The following NKAIN3 variants were observed in gnomAD, a reference collection of about 807,000 sequenced individuals.
NKAIN3 encodes the protein sodium/potassium-transporting ATPase subunit beta-1-interacting protein 3.
In NKAIN3, 25 loss-of-function variants were observed where a neutral mutation model predicts 30.2. The ratio of observed to expected loss-of-function variants is 0.83; its 90% CI spans 0.60 to 1.16. The LOEUF is 1.16. Ranked by LOEUF, NKAIN3 falls within the 50% of genes most tolerant of loss-of-function variation. The pLI, the probability that NKAIN3 is intolerant of heterozygous loss-of-function variation, is 0.00. For synonymous variants in NKAIN3, 91 were observed against 89.6 expected, an observed-to-expected ratio of 1.02 and a Z score of -0.09; for missense variants, 225 against 254.1, an observed-to-expected ratio of 0.89 and a Z score of 0.78.
intron 4 of NKAIN3, among the ~76,000 whole-genome samples, chr8:62,804,141 A>G: frequency 6.6e-6 from 1 of 152,222 alleles, no homozygotes; most frequent in Non-Finnish European, 1.5e-5. Context: ...AACCAAAAAG[A>G]GTCCAGGACC....
intron 1 of NKAIN3, among the ~76,000 whole-genome samples, chr8:62,305,710 G>C (rs961964302): frequency 6.6e-6 from 1 of 150,492 alleles, no homozygotes; most frequent in Non-Finnish European, 1.5e-5. Flanking sequence ...AAGCACTAAA[G>C]TGTGATGATG....
intron 6 of NKAIN3, among the ~76,000 whole-genome samples, chr8:62,960,563 G>A (rs1226606294): frequency 2.0e-5 from 3 of 151,408 alleles, no homozygotes; most frequent in African/African-American, 7.3e-5. Flanking sequence ...GTTTCCAAGA[G>A]AAAGTATCCT....
At chr8:62,571,627 C>T (rs905950505) in intron 1 of NKAIN3, among the ~76,000 whole-genome samples, 38 of 152,196 alleles carry the variant, frequency 2.5e-4, no homozygotes, top group Admixed American at 7.2e-4. Context: ...ATGAGGGCCC[C>T]GCCACTGCAG....
At chr8:62,560,056 T>G (rs2129973220) in intron 1 of NKAIN3, among the ~76,000 whole-genome samples, 1 of 152,192 alleles carries the variant, frequency 6.6e-6, no homozygotes, top group Non-Finnish European at 1.5e-5. Context: ...TGGTAAACAG[T>G]TTTATGTTTT....
intron 4 of NKAIN3, among the ~76,000 whole-genome samples, chr8:62,857,678 T>C (rs1402630882): frequency 6.6e-6 from 1 of 152,238 alleles, no homozygotes; most frequent in Non-Finnish European, 1.5e-5. Context: ...GTTCTTATAC[T>C]GTGTTTTTCA....
At chr8:62,859,451 A>G (rs1171296554) in intron 4 of NKAIN3, among the ~76,000 whole-genome samples, 5 of 143,246 alleles carry the variant, frequency 3.5e-5, no homozygotes. Context: ...CTCCTGCACC[A>G]GCCATCCTAT....
At chr8:62,747,623 A>G (rs941469476) in intron 4 of NKAIN3, among the ~76,000 whole-genome samples, 1 of 152,234 alleles carries the variant, frequency 6.6e-6, no homozygotes, top group African/African-American at 2.4e-5. Context: ...ATACAATTCC[A>G]TATACAGAAA....
chr8:62,927,497 G>T (rs1369902360), intron 5 of NKAIN3, among the ~76,000 whole-genome samples: 1 of 152,072 alleles, frequency 6.6e-6, no homozygotes, highest in South Asian at 2.1e-4. Context: ...TGTTTCTACC[G>T]TAAAGAAAAG....
chr8:62,584,269 C>T (rs1309665839), intron 2 of NKAIN3, among the ~76,000 whole-genome samples: 2 of 152,168 alleles, frequency 1.3e-5, no homozygotes, highest in African/African-American at 4.8e-5. Context: ...AAATAACAAA[C>T]ACTTTGGAGC....
intron 1 of NKAIN3, among the ~76,000 whole-genome samples, chr8:62,424,539 A>G (rs562004982): frequency 3.3e-5 from 5 of 152,080 alleles, no homozygotes; most frequent in African/African-American, 1.2e-4. Context: ...TGTCAGGGAC[A>G]CGAAAAAATG....
At chr8:62,420,017 ATG>A (rs970367128) in intron 1 of NKAIN3, among the ~76,000 whole-genome samples, 3 of 152,126 alleles carry the variant, frequency 2.0e-5, no homozygotes, top group African/African-American at 7.2e-5. Flanking sequence ...GCCCACAACC[ATG>A]TCACCTGAGA....
intron 1 of NKAIN3, among the ~76,000 whole-genome samples, chr8:62,288,196 C>T (rs974398832): frequency 2.6e-5 from 4 of 152,026 alleles, no homozygotes; most frequent in Admixed American, 2.0e-4. Context: ...TTCGTGAGAA[C>T]AGTGTTTTCA....
chr8:62,851,586 T>G (rs1819899727), intron 4 of NKAIN3, among the ~76,000 whole-genome samples: 1 of 152,186 alleles, frequency 6.6e-6, no homozygotes, highest in African/African-American at 2.4e-5. Context: ...TGATATTGGC[T>G]GTGGGTTTGT....
At chr8:62,341,468 C>A (rs1197974159) in intron 1 of NKAIN3, among the ~76,000 whole-genome samples, 1 of 151,974 alleles carries the variant, frequency 6.6e-6, no homozygotes. Flanking sequence ...ATTTTACTGA[C>A]TGAGAGGCAA....
At position 62,798,574 on chromosome 8, in the gene NKAIN3, CCA is replaced by C. The variant is rs1491400146; in HGVS notation, c.471+51446_471+51447del. On this transcript the variant is annotated intron_variant, in intron 4 of 6. Transcript: ENST00000623646. ...GTGACAGAGTGAGACTCCGTCCCCCCCAAAAAAAAAACAACAAAAGAAAGTAA... is the reference window on the plus strand; with the variant it reads ...GTGACAGAGTGAGACTCCGTCCCCCCAAAAAAAAACAACAAAAGAAAGTAA... Among the ~76,000 whole-genome samples the C allele has an allele frequency of 3.3e-5, 5 of 150,646 alleles. No individual in the cohort carries two copies. The South Asian group carries it at 6.4e-4, about 19-fold the overall frequency.
intron 4 of NKAIN3, among the ~76,000 whole-genome samples, chr8:62,880,199 G>A (rs1284821988): frequency 6.6e-6 from 1 of 152,094 alleles, no homozygotes. Flanking sequence ...GCAGAGAGAG[G>A]GAAAAACTTG....
intron 4 of NKAIN3, among the ~76,000 whole-genome samples, chr8:62,840,412 C>A (rs574516253): frequency 7.5e-5 from 8 of 106,356 alleles, no homozygotes; most frequent in African/African-American, 2.6e-4. Flanking sequence ...TTTATTTAAA[C>A]CTGGAGGGTC....
At chr8:62,270,374 G>A (rs916875054) in intron 1 of NKAIN3, among the ~76,000 whole-genome samples, 1 of 152,002 alleles carries the variant, frequency 6.6e-6, no homozygotes, top group East Asian at 1.9e-4. Context: ...GAGCCCCTGG[G>A]CCCAGCCCAT....
chr8:62,719,433 C>A (rs571714260), intron 3 of NKAIN3, among the ~76,000 whole-genome samples: 1 of 152,164 alleles, frequency 6.6e-6, no homozygotes, highest in Non-Finnish European at 1.5e-5. Context: ...AAAATGGATG[C>A]TTTTCTTGAT....
Sources: gnomAD v4.1 joint callset for allele counts (sites outside exome capture counted in the v4.1 genomes callset) on GRCh38, gnomAD v4.1.1 for gene constraint, MANE v1.5 for transcripts, NCBI Gene and HGNC (gene_info 2026-07-23, HGNC 2026-07-21) for gene names.